Variants in CR1L observed in about 807,000 individuals in gnomAD.
The protein encoded by CR1L is complement component receptor 1-like protein.
In CR1L, 59 loss-of-function variants were observed where a neutral mutation model predicts 62.3. That is an observed-to-expected ratio of 0.95 (90% confidence interval 0.77 to 1.18). CR1L has a LOEUF of 1.18. Ranked by LOEUF, CR1L falls within the 50% of genes most tolerant of loss-of-function variation. The probability of loss-of-function intolerance (pLI) is 0.00; values close to 1 mark genes in which losing one functional copy is unlikely to be tolerated. For missense variants in CR1L, 700 were observed against 702.8 expected, an observed-to-expected ratio of 1.00 and a Z score of 0.04; for synonymous variants, 279 against 248.7, an observed-to-expected ratio of 1.12 and a Z score of -1.15.
rs560441780 is a variant in CR1L at position 207,662,416 on chromosome 1, C to T, written c.98-14973C>T. ...TTCATTTGATCTTCCATCTCTGATA[C>T]CCTTTCTTCCAGTTGATTGAATCAG... On this transcript the variant is annotated intron_variant, in intron 1 of 11. Coordinates refer to ENST00000508064, the MANE Select transcript of CR1L (RefSeq NM_175710.2). Among the ~76,000 whole-genome samples the T allele has an allele frequency of 4.6e-5, 7 of 152,294 alleles. 1 individual carries two copies. In the South Asian group the frequency reaches 1.5e-3, roughly 32 times the overall value.
chr1:207,646,923 T>C (rs1236381492), intron 1 of CR1L, among the ~76,000 whole-genome samples: 1 of 152,192 alleles, frequency 6.6e-6, no homozygotes, highest in African/African-American at 2.4e-5. Flanking sequence ...CTTAGGAACA[T>C]TCATTCAACA....
chr1:207,652,259 A>T (rs1174333812), intron 1 of CR1L, among the ~76,000 whole-genome samples: 1 of 152,246 alleles, frequency 6.6e-6, no homozygotes, highest in Non-Finnish European at 1.5e-5. Context: ...GTGGAGAAAG[A>T]TGCATCCATA....
intron 1 of CR1L, chr1:207,652,582 G>C: frequency 1.9e-6 from 3 of 1,556,096 alleles, no homozygotes; most frequent in Non-Finnish European, 2.7e-6. Flanking sequence ...TGAAGCTATG[G>C]AGCTCATTGG....
At chr1:207,686,089 TCCC>T (rs2102463587) in intron 4 of CR1L, among the ~76,000 whole-genome samples, 1 of 63,434 alleles carries the variant, frequency 1.6e-5, no homozygotes, top group Non-Finnish European at 3.4e-5. Flanking sequence ...CCTCCCTTCC[TCCC>T]TCCTTTCCTT....
At chr1:207,711,664 TG>T (rs74816195) in intron 10 of CR1L, among the ~76,000 whole-genome samples, 2 of 152,140 alleles carry the variant, frequency 1.3e-5, no homozygotes, top group Non-Finnish European at 1.5e-5. Flanking sequence ...CCCAGCACTT[TG>T]GGAGGCCAAG....
rs533191780 is a variant in CR1L at position 207,661,204 on chromosome 1, A to G, written c.97+15874A>G. Among the ~76,000 whole-genome samples the G allele has an allele frequency of 2.6e-5, 4 of 151,440 alleles. No homozygotes were observed. The South Asian group carries it at 8.5e-4, about 32-fold the overall frequency. On this transcript the variant is annotated intron_variant, in intron 1 of 11. Transcript: ENST00000508064. ...AGTTCAATTCCTGGATATCCTTGTT[A>G]ACTTTCTGTCTCATTGATCGTCTAA...
At position 207,677,493 on chromosome 1, in the gene CR1L, G is replaced by T; in HGVS notation, c.202G>T (p.Gly68Cys). 1 of 1,613,864 alleles carries T rather than the reference G, an allele frequency of 6.2e-7. No homozygotes were observed. The highest frequency in any genetic ancestry group is 8.5e-7 in the Non-Finnish European group (1 of 1,179,864). ...ATATCTGAACTATGAATGCCGCCCT[G>T]GTTATTCCGGAAGACCGTTTTCTAT... Reference protein sequence around the residue: ...GTYLNYECRPGYSGRPFSIIC... With the variant: ...GTYLNYECRPCYSGRPFSIIC... Residue 68 changes from glycine to cysteine, a missense_variant, in exon 2 of 12, where the codon GGT becomes TGT. Transcript: ENST00000508064.
At chr1:207,667,634 A>T (rs1219733386) in intron 1 of CR1L, among the ~76,000 whole-genome samples, 1 of 152,150 alleles carries the variant, frequency 6.6e-6, no homozygotes, top group African/African-American at 2.4e-5. Flanking sequence ...CTTTTCTCTC[A>T]TTCTTGGATT....
chr1:207,677,747 T>C (rs1271636550), intron 2 of CR1L, among the ~76,000 whole-genome samples, 179 bp downstream of exon 2: 1 of 152,246 alleles, frequency 6.6e-6, no homozygotes, highest in Admixed American at 6.5e-5. Context: ...GGCACCTTCA[T>C]TACAAGTTTA....
At chr1:207,653,955 G>C (rs1663267916) in intron 1 of CR1L, among the ~76,000 whole-genome samples, 1 of 152,142 alleles carries the variant, frequency 6.6e-6, no homozygotes, top group Non-Finnish European at 1.5e-5. Flanking sequence ...GGGAAATTCA[G>C]CACTTGCAAA....
At chr1:207,715,360 G>A (rs752154562) in intron 10 of CR1L, 8 of 1,597,008 alleles carry the variant, frequency 5.0e-6, no homozygotes, top group Admixed American at 1.7e-5. Context: ...TGGCTGGAAT[G>A]AAAGCCCTTT....
At chr1:207,685,406 C>A (rs1333534795) in intron 4 of CR1L, among the ~76,000 whole-genome samples, 2 of 152,220 alleles carry the variant, frequency 1.3e-5, no homozygotes, top group Admixed American at 6.5e-5. Context: ...AGTCAGACTT[C>A]AATTCACTTG....
chr1:207,646,583 T>C (rs868186896), intron 1 of CR1L, among the ~76,000 whole-genome samples: 6 of 151,802 alleles, frequency 4.0e-5, no homozygotes, highest in Non-Finnish European at 7.4e-5. Flanking sequence ...TGGTGGTGTA[T>C]GCCCGTGGTC....
At chr1:207,720,569 C>T (rs974877742) in intron 11 of CR1L, among the ~76,000 whole-genome samples, 1 of 152,148 alleles carries the variant, frequency 6.6e-6, no homozygotes, top group Non-Finnish European at 1.5e-5. Flanking sequence ...TCCCCTATCT[C>T]CCCATTTCAA....
chr1:207,645,470 T>C, intron 1 of CR1L, 140 bp downstream of exon 1: 1 of 944,994 alleles, frequency 1.1e-6, no homozygotes, highest in Non-Finnish European at 1.6e-6. Context: ...CTCCGAGGGG[T>C]GCCGTGCTCA....
At chr1:207,653,802 A>G (rs1212658188) in intron 1 of CR1L, among the ~76,000 whole-genome samples, 1 of 152,220 alleles carries the variant, frequency 6.6e-6, no homozygotes, top group African/African-American at 2.4e-5. Context: ...TTCTATTGCT[A>G]TAACACAATA....
At chr1:207,721,716 A>G (rs1193481289) in intron 11 of CR1L, among the ~76,000 whole-genome samples, 2 of 151,688 alleles carry the variant, frequency 1.3e-5, no homozygotes, top group East Asian at 3.9e-4. Flanking sequence ...CAGTAATGGG[A>G]TGGCTGGGTC....
Position 207,656,276 on chromosome 1 carries a change from C to T in CR1L, c.97+10946C>T, listed in dbSNP as rs149903858. 4.8e-3 allele frequency among the ~76,000 whole-genome samples: 725 copies of T among 151,726 alleles called. 13 individuals are homozygous for T. In the East Asian group the frequency reaches 0.055, roughly 12 times the overall value. On this transcript the variant is annotated intron_variant, in intron 1 of 11. Transcript: ENST00000508064. Reference sequence around the variant, plus strand: ...CAATCAATCAATCAATCACTATACACTTATAAGGATGAGAGTGAAAAAAGA... The same window carrying T: ...CAATCAATCAATCAATCACTATACATTTATAAGGATGAGAGTGAAAAAAGA...
intron 4 of CR1L, among the ~76,000 whole-genome samples, chr1:207,691,925 C>A (rs568331892): frequency 7.2e-5 from 11 of 152,330 alleles, no homozygotes; most frequent in African/African-American, 2.6e-4. Flanking sequence ...AGCTCAGAGA[C>A]TCCTGCCCAG....
Sources: allele counts gnomAD v4.1 joint callset (sites outside exome capture counted in the v4.1 genomes callset), GRCh38; gene constraint gnomAD v4.1.1; transcripts MANE v1.5; gene names NCBI Gene and HGNC (gene_info 2026-07-23, HGNC 2026-07-21).